The following SLC16A10 variants were observed in gnomAD, a reference collection of about 807,000 sequenced individuals.
SLC16A10 encodes the protein monocarboxylate transporter 10.
Under a neutral mutation model 40.0 loss-of-function variants are expected in SLC16A10, and 27 were observed. The observed-to-expected ratio is 0.67, with a 90% confidence interval of 0.50 to 0.93. The LOEUF is 0.93. SLC16A10 is among the 40% of genes least tolerant of loss of function. The pLI, the probability that SLC16A10 is intolerant of heterozygous loss-of-function variation, is 0.00. For synonymous variants in SLC16A10, 213 were observed against 249.8 expected (o/e 0.85, Z 1.39); for missense variants, 529 against 658.2 (o/e 0.80, Z 2.15).
At chr6:111,190,432 C>G (rs1772970584) in intron 3 of SLC16A10, among the ~76,000 whole-genome samples, 1 of 152,214 alleles carries the variant, frequency 6.6e-6, no homozygotes, top group African/African-American at 2.4e-5. Flanking sequence ...GACGGTAGCC[C>G]TCTTCTCATA....
chr6:111,127,738 A>C (rs1472079347), intron 1 of SLC16A10, among the ~76,000 whole-genome samples: 1 of 152,148 alleles, frequency 6.6e-6, no homozygotes, highest in Admixed American at 6.6e-5. Context: ...TTATGGTTCT[A>C]GTTATCTATC....
At chr6:111,168,755 C>T (rs1772525851) in intron 1 of SLC16A10, among the ~76,000 whole-genome samples, 1 of 152,112 alleles carries the variant, frequency 6.6e-6, no homozygotes, top group African/African-American at 2.4e-5. Context: ...TGCAGTACAA[C>T]AGTGTGAATT....
At chr6:111,221,915 G>T in intron 5 of SLC16A10, 88 bp from the exon 6 acceptor site, 3 of 1,190,914 alleles carry the variant, frequency 2.5e-6, no homozygotes, top group Non-Finnish European at 3.5e-6. Flanking sequence ...TCTGATGTCT[G>T]AGATGTCTGA....
At chr6:111,164,097 C>T (rs2114531359) in intron 1 of SLC16A10, among the ~76,000 whole-genome samples, 1 of 152,308 alleles carries the variant, frequency 6.6e-6, no homozygotes, top group South Asian at 2.1e-4. Context: ...AATATGTTCA[C>T]ACACAGAATT....
chr6:111,167,984 C>CT (rs112355106), intron 1 of SLC16A10, among the ~76,000 whole-genome samples: 9,798 of 143,332 alleles, frequency 0.068, 981 homozygotes, highest in African/African-American at 0.23. Context: ...CTAGTTTGCA[C>CT]TTTTTTTTTT....
chr6:111,137,850 TCA>T (rs1377962369), intron 1 of SLC16A10, among the ~76,000 whole-genome samples: 3 of 152,194 alleles, frequency 2.0e-5, no homozygotes, highest in Non-Finnish European at 4.4e-5. Context: ...GCAACGTAGC[TCA>T]CACCCGACCA....
chr6:111,209,599 C>A (rs529873162), intron 4 of SLC16A10, among the ~76,000 whole-genome samples: 1 of 152,076 alleles, frequency 6.6e-6, no homozygotes, highest in Admixed American at 6.6e-5. Context: ...GGATAAGAGG[C>A]CTGTGGGTTA....
chr6:111,210,679 A>C (rs538700865), intron 4 of SLC16A10, among the ~76,000 whole-genome samples: 1 of 152,184 alleles, frequency 6.6e-6, no homozygotes, highest in South Asian at 2.1e-4. Flanking sequence ...AGGGACTGGA[A>C]AGTTAGAGTG....
intron 1 of SLC16A10, among the ~76,000 whole-genome samples, chr6:111,155,022 C>CAAAAAAAA (rs397888706): frequency 1.9e-5 from 1 of 53,456 alleles, no homozygotes; most frequent in South Asian, 7.2e-4. Context: ...GACTCCATCT[C>CAAAAAAAA]AAAAAAAAAA....
chr6:111,126,853 C>T (rs1771684621), intron 1 of SLC16A10, among the ~76,000 whole-genome samples: 1 of 152,138 alleles, frequency 6.6e-6, no homozygotes, highest in Admixed American at 6.5e-5. Context: ...AGTGATGGTG[C>T]AGCAACTTAA....
intron 1 of SLC16A10, among the ~76,000 whole-genome samples, chr6:111,139,641 A>T (rs570631355): frequency 1.3e-5 from 2 of 152,222 alleles, no homozygotes; most frequent in Admixed American, 1.3e-4. Context: ...TCCATGGTAT[A>T]TATGTACCAC....
At chr6:111,103,697 G>A (rs978820752) in intron 1 of SLC16A10, among the ~76,000 whole-genome samples, 1 of 152,178 alleles carries the variant, frequency 6.6e-6, no homozygotes, top group African/African-American at 2.4e-5. Context: ...TAGAGGAAGG[G>A]AGAATGACTT....
At chr6:111,097,706 A>C (rs1014034328) in intron 1 of SLC16A10, among the ~76,000 whole-genome samples, 3 of 152,174 alleles carry the variant, frequency 2.0e-5, no homozygotes, top group African/African-American at 7.2e-5. Flanking sequence ...TGCTTTAAAA[A>C]AATTAGTAAA....
chr6:111,104,696 T>A (rs1411300234), intron 1 of SLC16A10, among the ~76,000 whole-genome samples: 1 of 152,138 alleles, frequency 6.6e-6, no homozygotes, highest in Non-Finnish European at 1.5e-5. Context: ...AGAGTGACGC[T>A]GAGTCCAGTG....
At chr6:111,119,472 C>G (rs576339048) in intron 1 of SLC16A10, among the ~76,000 whole-genome samples, 1 of 152,222 alleles carries the variant, frequency 6.6e-6, no homozygotes, top group African/African-American at 2.4e-5. Flanking sequence ...TTGATTTTTT[C>G]CAACCATTTA....
intron 1 of SLC16A10, among the ~76,000 whole-genome samples, chr6:111,161,082 G>T (rs1325704212): frequency 6.6e-6 from 1 of 151,880 alleles, no homozygotes; most frequent in Non-Finnish European, 1.5e-5. Context: ...AATTAGCAGG[G>T]TGTGGTGGCA....
Position 111,091,435 on chromosome 6 carries a change from T to A in SLC16A10, c.343+3340T>A, listed in dbSNP as rs1402184027. The A allele has an allele frequency of 3.3e-5, 5 of 152,242 alleles. No individual in the cohort carries two copies. The East Asian group carries it at 9.6e-4, about 29-fold the overall frequency. The allele number at this position is 152,242 out of a possible 1,614,324, so 9.4% of individuals were successfully genotyped here. A position where few individuals can be genotyped will look rare whatever the true frequency, so the allele number is the denominator to read the frequency against. On this transcript the variant is annotated intron_variant, in intron 1 of 5. Transcript: ENST00000368851. ...ATTAATTTAAGTGTTAGTGATTGGTTGAGTGCTCTACCATGCATTCTGGGA... is the reference window on the plus strand; with the variant it reads ...ATTAATTTAAGTGTTAGTGATTGGTAGAGTGCTCTACCATGCATTCTGGGA...
At chr6:111,147,629 CAG>C (rs1772102835) in intron 1 of SLC16A10, among the ~76,000 whole-genome samples, 1 of 152,176 alleles carries the variant, frequency 6.6e-6, no homozygotes. Context: ...CATGCCTTCT[CAG>C]GGGGAGTGTT....
intron 1 of SLC16A10, among the ~76,000 whole-genome samples, chr6:111,132,100 G>A (rs1162279335): frequency 1.3e-5 from 2 of 151,936 alleles, no homozygotes; most frequent in Non-Finnish European, 2.9e-5. Flanking sequence ...CCCAATTTAG[G>A]CATACAGCTC....
Sources: gnomAD v4.1 joint callset for allele counts (sites outside exome capture counted in the v4.1 genomes callset) on GRCh38, gnomAD v4.1.1 for gene constraint, MANE v1.5 for transcripts, NCBI Gene and HGNC (gene_info 2026-07-23, HGNC 2026-07-21) for gene names.